FAM171B: variants seen among roughly 807,000 people sequenced by gnomAD.
The protein encoded by FAM171B is family with sequence similarity 171 member B, also known as protein FAM171B.
Under a neutral mutation model 75.6 loss-of-function variants are expected in FAM171B, and 19 were observed. The ratio of observed to expected loss-of-function variants is 0.25; its 90% CI spans 0.18 to 0.37. The LOEUF is 0.37. FAM171B is among the 10% of genes least tolerant of loss of function. The pLI is 1.00. For synonymous variants in FAM171B, 367 were observed against 361.7 expected, an observed-to-expected ratio of 1.01 and a Z score of -0.17; for missense variants, 848 against 982.4, an observed-to-expected ratio of 0.86 and a Z score of 1.83.
intron 3 of FAM171B, among the ~76,000 whole-genome samples, chr2:186,745,384 G>A (rs1218312154): frequency 6.6e-6 from 1 of 152,174 alleles, no homozygotes; most frequent in Non-Finnish European, 1.5e-5. Context: ...GTGTGACCAT[G>A]TCCCGTACCA....
chr2:186,703,100 C>A (rs571184291), intron 1 of FAM171B, among the ~76,000 whole-genome samples: 2 of 150,732 alleles, frequency 1.3e-5, no homozygotes, highest in Admixed American at 6.6e-5. Context: ...CACACACACA[C>A]AAAAGATCTC....
chr2:186,710,100 A>G (rs1344730842), intron 1 of FAM171B, among the ~76,000 whole-genome samples: 1 of 152,210 alleles, frequency 6.6e-6, no homozygotes, highest in Non-Finnish European at 1.5e-5. Flanking sequence ...GTTTGTTCTT[A>G]TCACATAAAG....
chr2:186,736,485 C>A (rs748796026), intron 1 of FAM171B, among the ~76,000 whole-genome samples: 17 of 147,550 alleles, frequency 1.2e-4, no homozygotes, highest in Non-Finnish European at 1.9e-4. Flanking sequence ...CATTTTAGTT[C>A]TTATTATGGT....
At chr2:186,711,832 C>T (rs912348300) in intron 1 of FAM171B, among the ~76,000 whole-genome samples, 2 of 152,140 alleles carry the variant, frequency 1.3e-5, no homozygotes, top group African/African-American at 4.8e-5. Flanking sequence ...CAGCAGAAAC[C>T]AACTTAGCTG....
chr2:186,754,171 G>C, intron 6 of FAM171B, 122 bp downstream of exon 6: 3 of 682,496 alleles, frequency 4.4e-6, no homozygotes, highest in South Asian at 4.0e-5. Flanking sequence ...CAATGGGAAA[G>C]GAACTTGATC....
At chr2:186,730,516 T>A (rs1690099514) in intron 1 of FAM171B, among the ~76,000 whole-genome samples, 1 of 152,134 alleles carries the variant, frequency 6.6e-6, no homozygotes, top group Non-Finnish European at 1.5e-5. Flanking sequence ...ACCCTGTTAG[T>A]CAGGCCTGTA....
intron 5 of FAM171B, among the ~76,000 whole-genome samples, chr2:186,751,932 C>T (rs1690462219): frequency 6.6e-6 from 1 of 152,052 alleles, no homozygotes; most frequent in Non-Finnish European, 1.5e-5. Context: ...GTAGGACTTC[C>T]TTGGGTGAGT....
At chr2:186,731,288 A>T (rs780015268) in intron 1 of FAM171B, among the ~76,000 whole-genome samples, 1 of 152,224 alleles carries the variant, frequency 6.6e-6, no homozygotes, top group Non-Finnish European at 1.5e-5. Flanking sequence ...ATTATTATGT[A>T]GTTCACAGAT....
chr2:186,713,674 G>A lies in FAM171B; in HGVS notation c.238+19263G>A, dbSNP rs577937847. Among the ~76,000 whole-genome samples the A allele has an allele frequency of 1.8e-4, 27 of 152,224 alleles. No homozygotes were observed. In the South Asian group the frequency reaches 2.9e-3, roughly 16 times the overall value. ...TAAATTCACTTTAAAAAGTACATAT[G>A]TTTCTGTAGTAAGAAGTATTAAAGC... On this transcript the variant is annotated intron_variant, in intron 1 of 7. Coordinates refer to ENST00000304698, the MANE Select transcript of FAM171B (RefSeq NM_177454.4).
chr2:186,704,983 G>A (rs1379763297), intron 1 of FAM171B, among the ~76,000 whole-genome samples: 3 of 152,172 alleles, frequency 2.0e-5, no homozygotes, highest in Non-Finnish European at 1.5e-5. Flanking sequence ...CAGAACAGGC[G>A]AGCCCCAAAG....
At chr2:186,721,481 TG>T (rs1299147710) in intron 1 of FAM171B, among the ~76,000 whole-genome samples, 1 of 152,058 alleles carries the variant, frequency 6.6e-6, no homozygotes, top group Non-Finnish European at 1.5e-5. Flanking sequence ...GAATACTAAA[TG>T]TTTTTTTCAA....
rs1425648541 is a variant in FAM171B, at chr2:186,761,150, C to G, written c.1050C>G (p.Ala350=). The stretch of plus-strand genomic sequence containing the variant: ...ATGAAGATTCCAAGGACATAACTGC[C>G]TACCACACAGTGTTTCTTACAGCCA... ...GINEDSKDIT[A]YHTVFLTAIL... is the part of the protein sequence containing the mutation. Residue 350 remains alanine (A), a synonymous_variant, in exon 7 of 8, where the codon GCC becomes GCG. Transcript: ENST00000304698. The G allele has an allele frequency of 3.1e-6, 5 of 1,612,198 alleles. No homozygotes were observed. The highest frequency in any genetic ancestry group is 4.2e-6 in the Non-Finnish European group (5 of 1,178,982).
intron 3 of FAM171B, among the ~76,000 whole-genome samples, chr2:186,744,083 A>G (rs1361422257): frequency 2.0e-5 from 3 of 152,140 alleles, no homozygotes; most frequent in Admixed American, 1.3e-4. Context: ...ACTGATTCAA[A>G]CTGTGTCCTC....
intron 1 of FAM171B, among the ~76,000 whole-genome samples, chr2:186,728,612 A>C (rs1690068679): frequency 6.6e-6 from 1 of 152,258 alleles, no homozygotes; most frequent in Non-Finnish European, 1.5e-5. Flanking sequence ...TCCCATTAAA[A>C]TATTGTTTTA....
rs1377890645 is a variant in FAM171B at position 186,754,049 on chromosome 2, G to A, written c.1012G>A (p.Gly338Ser). 2 of 1,579,458 alleles carry A rather than the reference G, an allele frequency of 1.3e-6. No homozygotes were observed. Among genetic ancestry groups the A allele is most frequent in the Non-Finnish European group, 1.7e-6 (2 of 1,163,254 alleles). ...WIAAPLPGTR[G>S]SGINEDSKDI... ...AGCAGCTCCACTTCCAGGAACTAGA[G>A]GTATTGTAAAAAATGAAAGTAATTA... The change falls in exon 6 of 8, where the codon GGT (glycine) becomes AGT (serine). Residue 338 changes from glycine to serine, a missense_variant and splice_region_variant. This residue lies in a region of FAM171B where 665 missense variants were observed against 729.0 expected (regional missense o/e 0.91). Transcript: ENST00000304698.
chr2:186,754,759 G>A (rs989880667), intron 6 of FAM171B, among the ~76,000 whole-genome samples: 2 of 152,146 alleles, frequency 1.3e-5, no homozygotes, highest in African/African-American at 2.4e-5. Context: ...TCCACAGGCT[G>A]TATGCAACCT....
chr2:186,757,064 GA>G (rs917199257), intron 6 of FAM171B, among the ~76,000 whole-genome samples: 2 of 152,040 alleles, frequency 1.3e-5, no homozygotes, highest in Non-Finnish European at 2.9e-5. Flanking sequence ...CCCTATACTT[GA>G]GGAATGTTGA....
chr2:186,749,251 T>G (rs1690415751), intron 4 of FAM171B, among the ~76,000 whole-genome samples: 1 of 152,148 alleles, frequency 6.6e-6, no homozygotes, highest in Admixed American at 6.5e-5. Flanking sequence ...CTTCTCATTG[T>G]TTTTTTCAGT....
At chr2:186,710,137 T>A (rs1424717325) in intron 1 of FAM171B, among the ~76,000 whole-genome samples, 2 of 152,180 alleles carry the variant, frequency 1.3e-5, no homozygotes, top group African/African-American at 4.8e-5. Flanking sequence ...TTTGCATTTT[T>A]AAAAATCCCT....
Sources: allele counts gnomAD v4.1 joint callset (sites outside exome capture counted in the v4.1 genomes callset), GRCh38; gene constraint gnomAD v4.1.1; regional missense constraint gnomAD v4.1.1; transcripts MANE v1.5; gene names NCBI Gene and HGNC (gene_info 2026-07-23, HGNC 2026-07-21).